The following GAS7 variants were observed in gnomAD, a reference collection of about 807,000 sequenced individuals.
GAS7 encodes growth arrest-specific protein 7.
GAS7 carries 28 observed loss-of-function variants against 71.1 expected under a neutral mutation model. That is an observed-to-expected ratio of 0.39 (90% confidence interval 0.29 to 0.54). GAS7 has a LOEUF of 0.54. Among genes scored for constraint, GAS7 ranks in the 20% least tolerant of loss-of-function variants. GAS7 has a pLI of 0.62. For synonymous variants in GAS7, 258 were observed against 245.8 expected (o/e 1.05, Z -0.46); for missense variants, 436 against 627.8 (o/e 0.69, Z 3.27).
intron 1 of GAS7, among the ~76,000 whole-genome samples, chr17:10,153,045 A>C (rs1338327196): frequency 6.6e-6 from 1 of 150,778 alleles, no homozygotes; most frequent in African/African-American, 2.4e-5. Flanking sequence ...ATACAAAAAA[A>C]AAAAAAAAAA....
At chr17:10,195,696 A>G (rs2074535583) in intron 1 of GAS7, among the ~76,000 whole-genome samples, 3 of 152,014 alleles carry the variant, frequency 2.0e-5, no homozygotes. Flanking sequence ...CTCTAGTCTC[A>G]TGAGTCCAGA....
intron 1 of GAS7, among the ~76,000 whole-genome samples, chr17:10,151,610 T>C (rs756959019): frequency 8.5e-5 from 13 of 152,150 alleles, no homozygotes; most frequent in African/African-American, 2.4e-4. Context: ...AATGGCATGA[T>C]CATGGCTCAC....
rs532861982 is a variant in GAS7 at position 9,990,130 on chromosome 17, G to T, written c.305-8246C>A. 1.9e-3 allele frequency among the ~76,000 whole-genome samples: 286 copies of T among 152,304 alleles called. 1 individual carries two copies. The highest frequency in any genetic ancestry group is 6.2e-3 in the African/African-American group (259 of 41,574). ...TAAAAATACAAAAAATTAGCCGGGCGTGGTGGCAGGCACCTGTAGTCCCAG... is the reference window on the plus strand; with the variant it reads ...TAAAAATACAAAAAATTAGCCGGGCTTGGTGGCAGGCACCTGTAGTCCCAG... On this transcript the variant is annotated intron_variant, in intron 2 of 13. Coordinates refer to ENST00000432992, the MANE Select transcript of GAS7 (RefSeq NM_201433.2).
intron 1 of GAS7, among the ~76,000 whole-genome samples, chr17:10,141,023 G>T (rs1480800201): frequency 6.6e-6 from 1 of 152,224 alleles, no homozygotes; most frequent in East Asian, 1.9e-4. Context: ...ACCCAGCTAT[G>T]CCCCTCTGAC....
intron 1 of GAS7, among the ~76,000 whole-genome samples, chr17:10,128,411 C>G (rs942402825): frequency 6.6e-6 from 1 of 152,126 alleles, no homozygotes; most frequent in Admixed American, 6.5e-5. Flanking sequence ...ACCCACAAAC[C>G]CACAGCCCGG....
At chr17:10,158,293 G>T (rs1030882388) in intron 1 of GAS7, among the ~76,000 whole-genome samples, 1 of 148,832 alleles carries the variant, frequency 6.7e-6, no homozygotes, top group Non-Finnish European at 1.5e-5. Context: ...GATTACAGGC[G>T]TGAGCCACCG....
intron 1 of GAS7, among the ~76,000 whole-genome samples, chr17:10,035,187 C>T (rs953594479): frequency 1.3e-5 from 2 of 148,664 alleles, no homozygotes; most frequent in Admixed American, 1.3e-4. Context: ...CACCCAACCA[C>T]GATCCACACA....
At chr17:10,191,051 C>G (rs763287846) in intron 1 of GAS7, among the ~76,000 whole-genome samples, 1 of 151,640 alleles carries the variant, frequency 6.6e-6, no homozygotes, top group African/African-American at 2.4e-5. Context: ...GGCGCATGCC[C>G]GTAATCCCAG....
At chr17:9,994,913 C>A (rs1344916255) in intron 2 of GAS7, among the ~76,000 whole-genome samples, 1 of 152,220 alleles carries the variant, frequency 6.6e-6, no homozygotes, top group Admixed American at 6.5e-5. Context: ...GCAGGAAAGA[C>A]AAGTTTCAAG....
intron 1 of GAS7, among the ~76,000 whole-genome samples, chr17:10,143,032 AT>A (rs2074095090): frequency 1.7e-5 from 2 of 120,638 alleles, no homozygotes; most frequent in South Asian, 3.0e-4. Context: ...AAAAAAAAAA[AT>A]TAGCCAGGCA....
intron 12 of GAS7, 50 bp from the exon 13 acceptor site, chr17:9,918,149 G>C (rs1295505617): frequency 7.3e-7 from 1 of 1,369,616 alleles, no homozygotes. Context: ...CCCTCCACTT[G>C]GGGGTCCCCC....
chr17:10,019,744 T>C (rs761797207), intron 2 of GAS7, 33 bp downstream of exon 2: 156 of 1,586,084 alleles, frequency 9.8e-5, no homozygotes, highest in Non-Finnish European at 1.3e-4. Context: ...TGCCAGGGGG[T>C]TGGTGCAGGA....
intron 1 of GAS7, among the ~76,000 whole-genome samples, chr17:10,100,582 T>C (rs1364192611): frequency 6.6e-6 from 1 of 152,154 alleles, no homozygotes; most frequent in Non-Finnish European, 1.5e-5. Context: ...CTCCCTCAGG[T>C]ATCAGCTGAC....
chr17:9,970,134 G>A (rs2069899397), intron 3 of GAS7, among the ~76,000 whole-genome samples: 1 of 152,108 alleles, frequency 6.6e-6, no homozygotes, highest in South Asian at 2.1e-4. Context: ...GTAGAGTCGG[G>A]GCGGGGGGCT....
intron 1 of GAS7, among the ~76,000 whole-genome samples, chr17:10,099,383 C>A (rs550286627): frequency 6.6e-6 from 1 of 152,270 alleles, no homozygotes; most frequent in East Asian, 1.9e-4. Flanking sequence ...AGGGTACAAC[C>A]AGAGCAGGCA....
At chr17:9,918,156 C>T (rs1434833246) in intron 12 of GAS7, 57 bp from the exon 13 acceptor site, 2 of 1,282,696 alleles carry the variant, frequency 1.6e-6, no homozygotes, top group Non-Finnish European at 2.2e-6. Context: ...CTTGGGGGTC[C>T]CCCCACCAAG....
chr17:10,079,546 C>A (rs190965415), intron 1 of GAS7, among the ~76,000 whole-genome samples: 1 of 152,336 alleles, frequency 6.6e-6, no homozygotes, highest in African/African-American at 2.4e-5. Context: ...ACATTCCTTT[C>A]TATTGATAAG....
intron 4 of GAS7, among the ~76,000 whole-genome samples, chr17:9,968,863 T>C (rs2069833669): frequency 6.6e-6 from 1 of 152,256 alleles, no homozygotes; most frequent in Non-Finnish European, 1.5e-5. Flanking sequence ...ATTATTGTCA[T>C]CATTTTCATT....
At chr17:9,963,852 T>C (rs2069599903) in intron 4 of GAS7, among the ~76,000 whole-genome samples, 1 of 152,178 alleles carries the variant, frequency 6.6e-6, no homozygotes, top group Admixed American at 6.5e-5. Flanking sequence ...ATTATCATTA[T>C]GTCTTCTTCC....
Sources: gnomAD v4.1 joint callset for allele counts (sites outside exome capture counted in the v4.1 genomes callset) on GRCh38, gnomAD v4.1.1 for gene constraint, MANE v1.5 for transcripts, NCBI Gene and HGNC (gene_info 2026-07-23, HGNC 2026-07-21) for gene names.